The following RIC3 variants were observed in gnomAD, a reference collection of about 807,000 sequenced individuals.
The protein encoded by RIC3 is RIC3 acetylcholine receptor chaperone, also known as protein RIC-3.
A neutral mutation model predicts 27.3 loss-of-function variants in RIC3; 28 were observed. That is an observed-to-expected ratio of 1.02 (90% CI 0.76 to 1.41). The LOEUF is 1.41. RIC3 is among the 40% of genes most tolerant of loss of function. The pLI, the probability that RIC3 is intolerant of heterozygous loss-of-function variation, is 0.00. For synonymous variants in RIC3, 184 were observed against 160.4 expected (o/e 1.15, Z -1.11); for missense variants, 501 against 444.7 (o/e 1.13, Z -1.14).
the RIC3 span, among the ~76,000 whole-genome samples, chr11:8,094,742 C>T: frequency 2.0e-5 from 3 of 152,228 alleles, no homozygotes; most frequent in Admixed American, 6.5e-5. Context: ...CGGTACCTGC[C>T]CCAGGTCCTG....
intron 5 of RIC3, among the ~76,000 whole-genome samples, chr11:8,122,455 G>GTATATATATATATA (rs200115129): frequency 6.6e-6 from 1 of 151,704 alleles, no homozygotes; most frequent in Admixed American, 6.7e-5. Context: ...ACCACAGTGT[G>GTATATATATATATA]TATATATATA....
At chr11:8,154,073 AC>A (rs1950466399) in intron 1 of RIC3, among the ~76,000 whole-genome samples, 1 of 152,232 alleles carries the variant, frequency 6.6e-6, no homozygotes, top group Non-Finnish European at 1.5e-5. Context: ...TGATTATAAA[AC>A]ATTTGGAAAT....
intron 1 of RIC3, among the ~76,000 whole-genome samples, chr11:8,149,710 A>C (rs1950049819): frequency 1.3e-5 from 2 of 152,232 alleles, no homozygotes; most frequent in Admixed American, 6.5e-5. Context: ...ACGGGACCCC[A>C]AAGTAACCTT....
At chr11:8,136,504 T>G (rs1187786128) in intron 4 of RIC3, among the ~76,000 whole-genome samples, 1 of 152,222 alleles carries the variant, frequency 6.6e-6, no homozygotes, top group Non-Finnish European at 1.5e-5. Flanking sequence ...ATCCACGTTT[T>G]CTTGGTTGTT....
chr11:8,151,210 G>C (rs1487492377), intron 1 of RIC3, among the ~76,000 whole-genome samples: 2 of 152,220 alleles, frequency 1.3e-5, no homozygotes, highest in Non-Finnish European at 2.9e-5. Flanking sequence ...ACAACCCACT[G>C]AGTGGGAGAA....
At chr11:8,101,907 C>T (rs547625885), downstream of RIC3, 355 of 402,152 alleles carry the variant, frequency 8.8e-4, 3 homozygotes, top group Middle Eastern at 1.4e-3. Context: ...GTGTTGTAGT[C>T]GTACTTACCA....
At chr11:8,136,539 G>A (rs67616239) in intron 4 of RIC3, among the ~76,000 whole-genome samples, 10,376 of 152,104 alleles carry the variant, frequency 0.068, 402 homozygotes, top group South Asian at 0.11. Context: ...ACCTCCTGAA[G>A]CCACCCTTTC....
At chr11:8,101,259 C>A (rs545636134), downstream of RIC3, among the ~76,000 whole-genome samples, 1 of 152,350 alleles carries the variant, frequency 6.6e-6, no homozygotes, top group South Asian at 2.1e-4. Context: ...TTCCTCTTTT[C>A]TGTCCCCTGG....
chr11:8,149,024 CAAAAAAA>C (rs34536745), intron 1 of RIC3, among the ~76,000 whole-genome samples: 3 of 96,182 alleles, frequency 3.1e-5, no homozygotes, highest in Admixed American at 1.2e-4. Flanking sequence ...ACTAAAAATA[CAAAAAAA>C]AAAAAAAAAA....
the RIC3 span, among the ~76,000 whole-genome samples, chr11:8,094,369 C>T: frequency 6.6e-6 from 1 of 152,126 alleles, no homozygotes; most frequent in Non-Finnish European, 1.5e-5. Flanking sequence ...TTGGGAGGTG[C>T]CTGGGCTGCC....
chr11:8,167,819 C>T (rs1007585503), intron 1 of RIC3, among the ~76,000 whole-genome samples: 1 of 152,006 alleles, frequency 6.6e-6, no homozygotes, highest in African/African-American at 2.4e-5. Context: ...AGAAGTCCGT[C>T]CCAAGTGGAT....
chr11:8,121,682 C>T (rs1053076478), intron 5 of RIC3, among the ~76,000 whole-genome samples: 1 of 152,012 alleles, frequency 6.6e-6, no homozygotes, highest in African/African-American at 2.4e-5. Flanking sequence ...AGCTACAGCA[C>T]TCCAACTTGG....
chr11:8,151,984 A>C (rs991914061), intron 1 of RIC3, among the ~76,000 whole-genome samples: 1 of 152,170 alleles, frequency 6.6e-6, no homozygotes, highest in African/African-American at 2.4e-5. Context: ...CAAATGTCCA[A>C]TAAGCACAGG....
downstream of RIC3, chr11:8,101,475 C>T (rs1944301570): frequency 6.2e-7 from 1 of 1,614,124 alleles, no homozygotes; most frequent in Non-Finnish European, 8.5e-7. Context: ...TGTGCCTGTG[C>T]TTGGCCCCAG....
chr11:8,128,778 A>C, intron 4 of RIC3, among the ~76,000 whole-genome samples: 1 of 103,098 alleles, frequency 9.7e-6, no homozygotes, highest in East Asian at 3.0e-4. Context: ...TTTTTTTGAG[A>C]TGGAGTCTCG....
chr11:8,101,717 C>G (rs111814239), downstream of RIC3: 4 of 1,484,818 alleles, frequency 2.7e-6, no homozygotes, highest in South Asian at 1.4e-5. Flanking sequence ...ATAGGCCTTC[C>G]GCCAGATGAA....
downstream of RIC3, chr11:8,105,195 A>C (rs1026355943): frequency 8.5e-5 from 13 of 152,126 alleles, no homozygotes; most frequent in African/African-American, 3.1e-4. Context: ...TCCCTTCTCT[A>C]ATTCCTTACC....
chr11:8,113,708 C>A (rs962305033), intron 5 of RIC3, among the ~76,000 whole-genome samples: 12 of 152,154 alleles, frequency 7.9e-5, no homozygotes, highest in African/African-American at 2.9e-4. Flanking sequence ...ATTGGGCCGG[C>A]CCTCAGAACC....
chr11:8,154,186 G>A (rs575777941), intron 1 of RIC3, among the ~76,000 whole-genome samples: 1 of 152,120 alleles, frequency 6.6e-6, no homozygotes, highest in East Asian at 1.9e-4. Context: ...TATATCCACT[G>A]CCCAAATATA....
Sources: gnomAD v4.1 joint callset for allele counts (sites outside exome capture counted in the v4.1 genomes callset) on GRCh38, gnomAD v4.1.1 for gene constraint, MANE v1.5 for transcripts, NCBI Gene and HGNC (gene_info 2026-07-23, HGNC 2026-07-21) for gene names.